SPG21: variants seen among roughly 807,000 people sequenced by gnomAD.
The protein encoded by SPG21 is SPG21 abhydrolase domain containing, maspardin.
Under a neutral mutation model 38.9 loss-of-function variants are expected in SPG21, and 26 were observed. The ratio of observed to expected loss-of-function variants is 0.67; its 90% CI spans 0.49 to 0.93. The LOEUF (loss-of-function observed/expected upper bound fraction) is 0.93, where lower values mean the gene tolerates loss of function less well. Among genes scored for constraint, SPG21 ranks in the 40% least tolerant of loss-of-function variants. SPG21 has a pLI of 0.00. For missense variants in SPG21, 333 were observed against 376.5 expected, an observed-to-expected ratio of 0.88 and a Z score of 0.96; for synonymous variants, 136 against 128.9, an observed-to-expected ratio of 1.05 and a Z score of -0.37.
In SPG21 at chr15:64,963,582, C is replaced by G; in HGVS notation, c.*38G>C. 2 of 1,560,304 alleles carry G rather than the reference C, an allele frequency of 1.3e-6. No homozygotes were observed. The highest frequency in any genetic ancestry group is 1.8e-6 in the Non-Finnish European group (2 of 1,132,460). ...GCTGATGCCACTGACTATACAAGAA[C>G]ACACCGGGTCAACTCATCATTGACA... On this transcript the variant is annotated 3_prime_UTR_variant, in exon 9 of 9. Coordinates refer to ENST00000204566, the MANE Select transcript of SPG21 (RefSeq NM_016630.7).
intron 8 of SPG21, among the ~76,000 whole-genome samples, chr15:64,964,270 G>A (rs2140403481): frequency 6.6e-6 from 1 of 152,322 alleles, no homozygotes; most frequent in African/African-American, 2.4e-5. Flanking sequence ...CTGAGTCCCT[G>A]CAGAGTCTCC....
chr15:64,980,490 G>T (rs1947130513), intron 3 of SPG21, among the ~76,000 whole-genome samples: 1 of 152,124 alleles, frequency 6.6e-6, no homozygotes, highest in Non-Finnish European at 1.5e-5. Flanking sequence ...TGTAATCTCA[G>T]CACTTTGCGA....
At chr15:64,969,992 G>A in intron 6 of SPG21, 122 bp downstream of exon 6, 2 of 858,104 alleles carry the variant, frequency 2.3e-6, no homozygotes, top group South Asian at 1.3e-5. Flanking sequence ...CTGCTCAGAT[G>A]TATTACTCTG....
At chr15:64,966,323 A>G (rs2085539301) in intron 7 of SPG21, among the ~76,000 whole-genome samples, 1 of 152,204 alleles carries the variant, frequency 6.6e-6, no homozygotes, top group African/African-American at 2.4e-5. Flanking sequence ...TTCAAAAAGT[A>G]AAATAAGCAA....
At chr15:64,976,918 G>T (rs1421087369) in intron 3 of SPG21, among the ~76,000 whole-genome samples, 1 of 152,200 alleles carries the variant, frequency 6.6e-6, no homozygotes, top group East Asian at 1.9e-4. Flanking sequence ...ATTTCATTCA[G>T]AATTATGGCT....
Position 64,963,739 on chromosome 15 carries a change from G to A in SPG21, c.811-3C>T. On this transcript the variant is annotated splice_region_variant and splice_polypyrimidine_tract_variant and intron_variant, in intron 8 of 8. Coordinates refer to ENST00000204566, the MANE Select transcript of SPG21 (RefSeq NM_016630.7). ...CCATGGAATTGCAGCAAATGTATCT[G>A]TTGAAATGCAGAATCATTATTTTAT... 3 of 1,611,186 alleles carry A rather than the reference G, an allele frequency of 1.9e-6. No individual in the cohort carries two copies. Among genetic ancestry groups the A allele is most frequent in the Non-Finnish European group, 2.5e-6 (3 of 1,177,442 alleles).
intron 7 of SPG21, among the ~76,000 whole-genome samples, chr15:64,968,390 C>T (rs2085589623): frequency 7.0e-6 from 1 of 143,658 alleles, no homozygotes; most frequent in African/African-American, 2.5e-5. Context: ...ACATGTATAA[C>T]ATTTCAAGAT....
At chr15:64,973,059 G>C (rs539806899) in intron 5 of SPG21, among the ~76,000 whole-genome samples, 1 of 152,238 alleles carries the variant, frequency 6.6e-6, no homozygotes, top group East Asian at 1.9e-4. Flanking sequence ...GAACTCTTGG[G>C]CTCAAGCGAT....
At chr15:64,988,626 C>T (rs536751044) in intron 1 of SPG21, 1 of 152,398 alleles carries the variant, frequency 6.6e-6, no homozygotes, top group East Asian at 1.9e-4. Flanking sequence ...TACCTGACAT[C>T]TGTGACATCT....
intron 3 of SPG21, among the ~76,000 whole-genome samples, chr15:64,979,330 G>A: frequency 6.6e-6 from 1 of 152,124 alleles, no homozygotes; most frequent in Non-Finnish European, 1.5e-5. Flanking sequence ...GATCAACAGG[G>A]GCCACCAAAA....
At chr15:64,989,029 GT>G (rs1303759450) in intron 1 of SPG21, 1 of 150,350 alleles carries the variant, frequency 6.7e-6, no homozygotes, top group African/African-American at 2.4e-5. Flanking sequence ...TTGAATCTTT[GT>G]GCCAAAAGGA....
At chr15:64,974,034 A>T (rs1262440854) in intron 5 of SPG21, among the ~76,000 whole-genome samples, 1 of 152,250 alleles carries the variant, frequency 6.6e-6, no homozygotes, top group Non-Finnish European at 1.5e-5. Flanking sequence ...TATTAGTTAC[A>T]TAGAAATACT....
chr15:64,966,486 T>C (rs1329541028), intron 7 of SPG21, among the ~76,000 whole-genome samples: 30 of 152,200 alleles, frequency 2.0e-4, no homozygotes, highest in Non-Finnish European at 1.6e-4. Flanking sequence ...GTGAGGACCA[T>C]TGAAAAGCTT....
At chr15:64,976,583 T>TA (rs1309984588) in intron 3 of SPG21, 28 bp from the exon 4 acceptor site, 31 of 1,549,632 alleles carry the variant, frequency 2.0e-5, no homozygotes, top group Non-Finnish European at 2.7e-5. Context: ...ATTTTATTTT[T>TA]AAAAATCATA....
rs1183015414 is a variant in SPG21, at chr15:64,976,552, G to C, written c.229C>G (p.Gln77Glu). The C allele has an allele frequency of 1.9e-6, 3 of 1,605,794 alleles. No individual in the cohort carries two copies. The highest frequency in any genetic ancestry group is 2.6e-6 in the Non-Finnish European group (3 of 1,173,424). ...TGWGYRVIALQYPVYWDHLEF... is the reference protein window; with the variant it reads ...TGWGYRVIALEYPVYWDHLEF... ...AGATGGTCCCAATAAACTGGATACT[G>C]CAACTGAAATAATAACGATAATTTT... Residue 77 changes from glutamine to glutamate, a missense_variant, in exon 4 of 9, where the codon CAG becomes GAG. Coordinates refer to ENST00000204566, the MANE Select transcript of SPG21 (RefSeq NM_016630.7).
chr15:64,983,681 T>C, intron 1 of SPG21, 88 bp from the exon 2 acceptor site: 1 of 835,176 alleles, frequency 1.2e-6, no homozygotes. Context: ...ATACCAACAA[T>C]ATTTTAAAGA....
intron 7 of SPG21, among the ~76,000 whole-genome samples, chr15:64,969,030 C>T (rs1246518619): frequency 6.6e-6 from 1 of 152,146 alleles, no homozygotes; most frequent in Non-Finnish European, 1.5e-5. Context: ...GCATAAGCCA[C>T]TGTGCTCGGC....
At chr15:64,983,483 G>A (rs1006185460) in intron 2 of SPG21, 24 bp downstream of exon 2, 4 of 1,510,090 alleles carry the variant, frequency 2.6e-6, no homozygotes, top group Non-Finnish European at 2.7e-6. Context: ...TTGCAAATAA[G>A]AGGTATAGTA....
intron 2 of SPG21, among the ~76,000 whole-genome samples, chr15:64,982,290 G>A (rs774468720): frequency 1.3e-5 from 2 of 151,842 alleles, no homozygotes; most frequent in East Asian, 1.9e-4. Flanking sequence ...GACTACAGGC[G>A]TGCACCAACA....
Sources: allele counts gnomAD v4.1 joint callset (sites outside exome capture counted in the v4.1 genomes callset), GRCh38; gene constraint gnomAD v4.1.1; transcripts MANE v1.5; gene names NCBI Gene and HGNC (gene_info 2026-07-23, HGNC 2026-07-21).